CYS1: variants seen among roughly 807,000 people sequenced by gnomAD.
CYS1 encodes the protein cystin 1.
CYS1 carries 5 observed loss-of-function variants against 9.6 expected under a neutral mutation model. The ratio of observed to expected loss-of-function variants is 0.52; its 90% CI spans 0.27 to 1.10. The LOEUF is 1.10. Among genes scored for constraint, CYS1 ranks in the 50% least tolerant of loss-of-function variants. The pLI is 0.11. For synonymous variants in CYS1, 88 were observed against 95.7 expected (o/e 0.92, Z 0.47); for missense variants, 221 against 207.9 (o/e 1.06, Z -0.39).
chr2:10,062,448 C>T (rs1473396367), intron 2 of CYS1, among the ~76,000 whole-genome samples: 2 of 151,908 alleles, frequency 1.3e-5, no homozygotes, highest in African/African-American at 2.4e-5. Context: ...GGCTGGAGTG[C>T]AGTGGCGCAC....
At chr2:10,070,436 C>A (rs1661750065) in intron 1 of CYS1, among the ~76,000 whole-genome samples, 1 of 152,024 alleles carries the variant, frequency 6.6e-6, no homozygotes, top group Non-Finnish European at 1.5e-5. Flanking sequence ...ACCTCTGCCT[C>A]CAGGGTTCAA....
chr2:10,059,823 G>A (rs917907512), intron 2 of CYS1, among the ~76,000 whole-genome samples: 16 of 152,252 alleles, frequency 1.1e-4, no homozygotes, highest in Admixed American at 7.9e-4. Context: ...TCAGGATCCC[G>A]CCAGTCCCTC....
In CYS1 at chr2:10,060,824, C is replaced by A. The variant is rs117797366; in HGVS notation, c.372-1866G>T. 1.4e-4 allele frequency among the ~76,000 whole-genome samples: 22 copies of A among 152,362 alleles called. No homozygotes were observed. In the East Asian group the frequency reaches 4.3e-3, roughly 29 times the overall value. ...TGTGGATAAAACCCAGCAGCTACTC[C>A]ACGAGTCCAGCCTGAGGGCTGGACC... On this transcript the variant is annotated intron_variant, in intron 2 of 2. Transcript: ENST00000381813.
chr2:10,069,517 T>C (rs767312452), intron 1 of CYS1, among the ~76,000 whole-genome samples: 2 of 151,874 alleles, frequency 1.3e-5, no homozygotes, highest in African/African-American at 2.4e-5. Flanking sequence ...CACAGGTGCG[T>C]GCCACCACGC....
At chr2:10,079,349 G>C (rs1250904006) in intron 1 of CYS1, among the ~76,000 whole-genome samples, 5 of 152,230 alleles carry the variant, frequency 3.3e-5, no homozygotes, top group Non-Finnish European at 7.3e-5. Flanking sequence ...AGCTCTGCTG[G>C]AGCGAAGACG....
chr2:10,079,971 C>T lies in CYS1; in HGVS notation c.253G>A (p.Gly85Ser). 1 of 1,104,950 alleles carries T rather than the reference C, an allele frequency of 9.1e-7. No individual in the cohort carries two copies. The highest frequency in any genetic ancestry group is 5.2e-5 in the East Asian group (1 of 19,202). 68.4% of individuals were successfully genotyped at this position (1,104,950 alleles called of 1,614,324 possible). The change falls in exon 1 of 3, where the codon GGC becomes AGC. Residue 85 changes from glycine (G) to serine (S), a missense_variant. Gly to Ser is a moderately conservative substitution (Grantham distance 56, BLOSUM62 0). Coordinates refer to ENST00000381813, the MANE Select transcript of CYS1 (RefSeq NM_001037160.3). Reference sequence around the variant, plus strand: ...CGGCGCGGGGCGGGCTCCGGGGGGCCCCAGGCCGCCGACTCGGCCAGCAGC... The same window carrying T: ...CGGCGCGGGGCGGGCTCCGGGGGGCTCCAGGCCGCCGACTCGGCCAGCAGC... ...DELLAESAAW[G>S]PPEPAPRRPA...
chr2:10,065,870 G>A, intron 2 of CYS1, 34 bp downstream of exon 2: 2 of 1,612,416 alleles, frequency 1.2e-6, no homozygotes, highest in Non-Finnish European at 1.7e-6. Flanking sequence ...AGAACCCGTG[G>A]CTTCTGGGAG....
At position 10,080,096 on chromosome 2, in the gene CYS1, G is replaced by A. The variant is rs1661922580; in HGVS notation, c.128C>T (p.Ala43Val). 9.7e-7 allele frequency: 1 copy of A among 1,028,048 alleles called. No homozygotes were observed. The highest frequency in any genetic ancestry group is 1.2e-6 in the Non-Finnish European group (1 of 859,332). 63.7% of individuals were successfully genotyped at this position (1,028,048 alleles called of 1,614,324 possible). The change falls in exon 1 of 3, where the codon GCC becomes GTC. Residue 43 changes from alanine to valine, a missense_variant. Transcript: ENST00000381813. The surrounding 1 kb of genome is among the most constrained non-coding windows in gnomAD (Gnocchi z 6.4). ...CTCCGCGGCTGCCCCCGGGACCTCG[G>A]CCGCCGCCACCGGCACCCGCCGGCG... ...GTRRRVPVAA[A>V]EVPGAAAEEA...
In CYS1 at chr2:10,056,727, A is replaced by G. The variant is rs911000513; in HGVS notation, c.*2126T>C. The G allele has an allele frequency of 6.6e-6, 1 of 152,222 alleles. No individual in the cohort carries two copies. The highest frequency in any genetic ancestry group is 2.4e-5 in the African/African-American group (1 of 41,444). The allele number at this position is 152,222 out of a possible 1,614,324, so 9.4% of individuals were successfully genotyped here. Reference sequence around the variant, plus strand: ...AGGCTGCAGCAACGCCCACCCCTCTACTTCCAGGCACAGCCCCTCCGTCTC... The same window carrying G: ...AGGCTGCAGCAACGCCCACCCCTCTGCTTCCAGGCACAGCCCCTCCGTCTC... On this transcript the variant is annotated 3_prime_UTR_variant, in exon 3 of 3. Transcript: ENST00000381813.
At position 10,080,195 on chromosome 2, in the gene CYS1, C is replaced by G; in HGVS notation, c.29G>C (p.Arg10Pro). 1 of 1,062,228 alleles carries G rather than the reference C, an allele frequency of 9.4e-7. No homozygotes were observed. The highest frequency in any genetic ancestry group is 1.1e-6 in the Non-Finnish European group (1 of 882,830). 65.8% of individuals were successfully genotyped at this position (1,062,228 alleles called of 1,614,324 possible). MGSGSSRSS[R>P]TLRRRRSPES... ...GGGGCTGCGCCGCCGCCTCAGAGTCCGGCTGCTCCGGCTGCTGCCGCTGCC... is the reference window on the plus strand; with the variant it reads ...GGGGCTGCGCCGCCGCCTCAGAGTCGGGCTGCTCCGGCTGCTGCCGCTGCC... Residue 10 changes from arginine to proline, a missense_variant, in exon 1 of 3, where the codon CGG becomes CCG. Arg to Pro is a moderately radical substitution (Grantham distance 103). Coordinates refer to ENST00000381813, the MANE Select transcript of CYS1 (RefSeq NM_001037160.3). The surrounding 1 kb of genome is among the most constrained non-coding windows in gnomAD (Gnocchi z 6.4).
chr2:10,075,742 AG>A (rs1205314081), intron 1 of CYS1, among the ~76,000 whole-genome samples: 1 of 152,222 alleles, frequency 6.6e-6, no homozygotes, highest in Non-Finnish European at 1.5e-5. Flanking sequence ...GGTGGATGAC[AG>A]AGTCCCTCAG....
At chr2:10,064,498 C>G (rs1661668472) in intron 2 of CYS1, among the ~76,000 whole-genome samples, 2 of 152,056 alleles carry the variant, frequency 1.3e-5, no homozygotes, top group African/African-American at 4.8e-5. Context: ...GCAGCAGCTT[C>G]TAACATTGCC....
At chr2:10,077,845 C>T (rs1661876747) in intron 1 of CYS1, among the ~76,000 whole-genome samples, 1 of 152,080 alleles carries the variant, frequency 6.6e-6, no homozygotes, top group Non-Finnish European at 1.5e-5. Context: ...TGAGGTGGCT[C>T]ATGCCTATAA....
rs1018547051 is a variant in CYS1 at position 10,056,890 on chromosome 2, T to A, written c.*1963A>T. 2 of 152,242 alleles carry A rather than the reference T, an allele frequency of 1.3e-5. No homozygotes were observed. The highest frequency in any genetic ancestry group is 1.5e-5 in the Non-Finnish European group (1 of 68,046). 9.4% of individuals were successfully genotyped at this position (152,242 alleles called of 1,614,324 possible). The stretch of plus-strand genomic sequence containing the variant: ...GGCTAGCTGCTATTCAGAAGACACT[T>A]CCTGAATTCAGGAAAAATTTTTTTA... On this transcript the variant is annotated 3_prime_UTR_variant, in exon 3 of 3. Transcript: ENST00000381813.
chr2:10,071,814 G>A (rs80077786), intron 1 of CYS1, among the ~76,000 whole-genome samples: 126 of 152,300 alleles, frequency 8.3e-4, no homozygotes, highest in African/African-American at 2.8e-3. Context: ...ACACCTGGAC[G>A]GACGTGGGGA....
At chr2:10,073,226 G>A (rs117510254) in intron 1 of CYS1, among the ~76,000 whole-genome samples, 19,114 of 99,434 alleles carry the variant, frequency 0.19, 1,759 homozygotes, top group South Asian at 0.36. Flanking sequence ...CCCCCCCCCC[G>A]GCTGTGGGCT....
At chr2:10,059,350 G>C (rs762579347) in intron 2 of CYS1, among the ~76,000 whole-genome samples, 2 of 152,344 alleles carry the variant, frequency 1.3e-5, no homozygotes, top group East Asian at 3.9e-4. Context: ...TGAAGCATAA[G>C]ATAATGCATG....
intron 1 of CYS1, among the ~76,000 whole-genome samples, chr2:10,070,935 C>T (rs1165812903): frequency 6.6e-6 from 1 of 151,976 alleles, no homozygotes; most frequent in Non-Finnish European, 1.5e-5. Context: ...CATGGTGAGC[C>T]ACCACGCCCA....
chr2:10,063,730 G>A lies in CYS1; in HGVS notation c.371+2174C>T, dbSNP rs1277413222. Among the ~76,000 whole-genome samples the A allele has an allele frequency of 2.0e-5, 3 of 152,194 alleles. No homozygotes were observed. Among genetic ancestry groups the A allele is most frequent in the Non-Finnish European group, 4.4e-5 (3 of 68,028 alleles). ...AGACTGGCCTGCAGGGTCCACGGCTGCCACGGGAGTCAGGTGTGTGCCGTG... is the reference window on the plus strand; with the variant it reads ...AGACTGGCCTGCAGGGTCCACGGCTACCACGGGAGTCAGGTGTGTGCCGTG... On this transcript the variant is annotated intron_variant, in intron 2 of 2. Transcript: ENST00000381813. The surrounding 1 kb of genome is among the most constrained non-coding windows in gnomAD (Gnocchi z 4.2).
Sources: gnomAD v4.1 joint callset for allele counts (sites outside exome capture counted in the v4.1 genomes callset) on GRCh38, gnomAD v4.1.1 for gene constraint, Gnocchi (gnomAD v3.1) non-coding constraint, MANE v1.5 for transcripts, NCBI Gene and HGNC (gene_info 2026-07-23, HGNC 2026-07-21) for gene names.